The following CSNK1A1 variants were observed in gnomAD, a reference collection of about 807,000 sequenced individuals.
The protein encoded by CSNK1A1 is casein kinase I isoform alpha.
Under a neutral mutation model 46.1 loss-of-function variants are expected in CSNK1A1, and 7 were observed. The ratio of observed to expected loss-of-function variants is 0.15; its 90% confidence interval spans 0.09 to 0.29. The LOEUF is 0.29. Ranked by LOEUF, CSNK1A1 falls within the 10% of genes least tolerant of loss-of-function variation. The pLI is 1.00. For synonymous variants in CSNK1A1, 137 were observed against 141.5 expected, an observed-to-expected ratio of 0.97 and a Z score of 0.23; for missense variants, 96 against 417.1, an observed-to-expected ratio of 0.23 and a Z score of 6.71.
Position 149,517,943 on chromosome 5 carries a change from G to T in CSNK1A1, c.456+2347C>A. ...TGCTTACATTGCAACAATGGCCGGCGCAGACAGGCAACACCGAGGCATTAG... is the reference window on the plus strand; with the variant it reads ...TGCTTACATTGCAACAATGGCCGGCTCAGACAGGCAACACCGAGGCATTAG... On this transcript the variant is annotated intron_variant, in intron 4 of 9. Coordinates refer to ENST00000377843, the MANE Select transcript of CSNK1A1 (RefSeq NM_001892.6). This position sits in a 1 kb window ranked among gnomAD's most constrained non-coding sequence, Gnocchi z 4.4. 1.0e-6 allele frequency: 1 copy of T among 987,584 alleles called. No homozygotes were observed. The highest frequency in any genetic ancestry group is 1.6e-6 in the Non-Finnish European group (1 of 632,810). The allele number at this position is 987,584 out of a possible 1,614,324, so 61.2% of individuals were successfully genotyped here.
At chr5:149,503,527 T>C (rs1018504184) in intron 9 of CSNK1A1, 18 of 985,074 alleles carry the variant, frequency 1.8e-5, no homozygotes, top group Non-Finnish European at 1.9e-5. Context: ...TCCATGTTTA[T>C]GTGATAATTT....
At position 149,494,043 on chromosome 5, in the gene CSNK1A1, A is replaced by G. The variant is rs562033171; in HGVS notation, c.*2810T>C. ...CCATGACTCATTCTAGTCAAAAGCT[A>G]TAAGAACATATTCCTTAATAGTTCA... On this transcript the variant is annotated 3_prime_UTR_variant, in exon 10 of 10. Transcript: ENST00000377843. The G allele has an allele frequency of 2.2e-4, 34 of 152,338 alleles. No individual in the cohort carries two copies. The South Asian group carries it at 4.3e-3, about 19-fold the overall frequency. 9.4% of individuals were successfully genotyped at this position (152,338 alleles called of 1,614,324 possible).
At chr5:149,510,108 A>T (rs1761169637) in intron 6 of CSNK1A1, among the ~76,000 whole-genome samples, 155 bp from the exon 7 acceptor site, 3 of 152,236 alleles carry the variant, frequency 2.0e-5, no homozygotes, top group Non-Finnish European at 2.9e-5. Context: ...ATCTAAAAAA[A>T]ATTTTTCCCA....
At chr5:149,532,395 A>C (rs894753477) in intron 2 of CSNK1A1, among the ~76,000 whole-genome samples, 1 of 151,976 alleles carries the variant, frequency 6.6e-6, no homozygotes, top group Non-Finnish European at 1.5e-5. Context: ...AAAAAAAAAA[A>C]AAATCTGCGA....
chr5:149,497,456 T>C (rs1363841817), intron 9 of CSNK1A1: 2 of 986,046 alleles, frequency 2.0e-6, no homozygotes, highest in Non-Finnish European at 2.4e-6. Context: ...AAGCAAGTGA[T>C]GCTTTTTTGG....
intron 9 of CSNK1A1, chr5:149,501,107 C>T (rs1175646468): frequency 2.0e-6 from 2 of 985,314 alleles, no homozygotes; most frequent in African/African-American, 3.5e-5. Flanking sequence ...GGTCTTCTAA[C>T]AGTTGTGCTA....
intron 9 of CSNK1A1, chr5:149,499,310 AG>A: frequency 5.6e-6 from 3 of 540,320 alleles, no homozygotes; most frequent in Non-Finnish European, 6.8e-6. Flanking sequence ...AAAAAAGGGG[AG>A]GGGGAGGGGG....
At chr5:149,502,565 G>A (rs1423693604) in intron 9 of CSNK1A1, 4 of 467,076 alleles carry the variant, frequency 8.6e-6, no homozygotes, top group Non-Finnish European at 1.1e-5. Context: ...GCTGGGACAG[G>A]GTCTTACTAT....
intron 8 of CSNK1A1, among the ~76,000 whole-genome samples, chr5:149,506,449 C>T (rs896389677): frequency 6.6e-6 from 1 of 152,010 alleles, no homozygotes; most frequent in African/African-American, 2.4e-5. Flanking sequence ...GTCGGGCAGG[C>T]TGGTCTCTAA....
chr5:149,519,496 T>C (rs1408025108), intron 4 of CSNK1A1, among the ~76,000 whole-genome samples: 1 of 152,064 alleles, frequency 6.6e-6, no homozygotes, highest in African/African-American at 2.4e-5. Flanking sequence ...ATAGTATCGA[T>C]AAAGAAAGCA....
Position 149,550,498 on chromosome 5 carries a change from A to C in CSNK1A1, c.124-317T>G, listed in dbSNP as rs1408468223. The stretch of plus-strand genomic sequence containing the variant: ...CTGTTCTAATTGGAACAAGAGGCCC[A>C]GTAGAATTAAGAATTAAAAAAAAAA... On this transcript the variant is annotated intron_variant, in intron 1 of 9. Coordinates refer to ENST00000377843, the MANE Select transcript of CSNK1A1 (RefSeq NM_001892.6). This position sits in a 1 kb window ranked among gnomAD's most constrained non-coding sequence, Gnocchi z 4.3. Among the ~76,000 whole-genome samples, 1 of 124,224 alleles carries C rather than the reference A, an allele frequency of 8.0e-6. No individual in the cohort carries two copies. The highest frequency in any genetic ancestry group is 2.8e-4 in the East Asian group (1 of 3,510). 81.5% of individuals were successfully genotyped at this position (124,224 alleles called of 152,430 possible). A position where few individuals can be genotyped will look rare whatever the true frequency, so the allele number is the denominator to read the frequency against.
chr5:149,506,116 G>A (rs932889056), intron 8 of CSNK1A1, among the ~76,000 whole-genome samples: 2 of 151,878 alleles, frequency 1.3e-5, no homozygotes, highest in Non-Finnish European at 2.9e-5. Flanking sequence ...TAGCAGAGAC[G>A]GGGTTTCACC....
rs1160379269 is a variant in CSNK1A1, at chr5:149,542,592, TTATATATATATATATA to T, written c.230+7467_230+7482del. Among the ~76,000 whole-genome samples the T allele has an allele frequency of 8.5e-3, 228 of 26,688 alleles. 6 individuals are homozygous for T. Among genetic ancestry groups the T allele is most frequent in the Middle Eastern group, 0.026 (1 of 38 alleles). 17.5% of individuals were successfully genotyped at this position (26,688 alleles called of 152,430 possible). ...ATTTACTCCGAAATGAGATACAAAT[TTATATATATATATATA>T]TATATATATATATATATATATATAT... is the stretch of plus-strand genomic sequence containing the variant. On this transcript the variant is annotated intron_variant, in intron 2 of 9. Transcript: ENST00000377843.
Position 149,550,058 on chromosome 5 carries a change from A to G in CSNK1A1, c.230+17T>C, listed in dbSNP as rs1416652447. On this transcript the variant is annotated intron_variant, in intron 2 of 9. Coordinates refer to ENST00000377843, the MANE Select transcript of CSNK1A1 (RefSeq NM_001892.6). This position sits in a 1 kb window ranked among gnomAD's most constrained non-coding sequence, Gnocchi z 4.3. ...GTGCTTCCCTCAGCGGATCGCCTATATGCACCGGGTTCTTACCGTATGTGG... is the reference window on the plus strand; with the variant it reads ...GTGCTTCCCTCAGCGGATCGCCTATGTGCACCGGGTTCTTACCGTATGTGG... The G allele has an allele frequency of 6.2e-7, 1 of 1,610,910 alleles. No homozygotes were observed. The highest frequency in any genetic ancestry group is 1.3e-5 in the African/African-American group (1 of 74,930).
At chr5:149,545,299 A>G (rs1019424994) in intron 2 of CSNK1A1, 6 of 302,018 alleles carry the variant, frequency 2.0e-5, no homozygotes, top group Non-Finnish European at 3.7e-5. Context: ...TACTAATAGC[A>G]CAGGAGGACC....
chr5:149,504,130 G>C (rs567536846), intron 9 of CSNK1A1: 1 of 985,430 alleles, frequency 1.0e-6, no homozygotes, highest in African/African-American at 1.7e-5. Flanking sequence ...CTGAGATGCA[G>C]AGGCAGAGCA....
In CSNK1A1 at chr5:149,517,966, T is replaced by C. The variant is rs1023339133; in HGVS notation, c.456+2324A>G. ...GCGCAGACAGGCAACACCGAGGCAT[T>C]AGAGAAAGAACAGGGTAGCCAAATG... On this transcript the variant is annotated intron_variant, in intron 4 of 9. Transcript: ENST00000377843. This position sits in a 1 kb window ranked among gnomAD's most constrained non-coding sequence, Gnocchi z 4.4. 2.5e-6 allele frequency: 2 copies of C among 796,938 alleles called. No individual in the cohort carries two copies. The highest frequency in any genetic ancestry group is 2.2e-4 in the Middle Eastern group (1 of 4,492). The allele number at this position is 796,938 out of a possible 1,614,324, so 49.4% of individuals were successfully genotyped here. A position where few individuals can be genotyped will look rare whatever the true frequency, so the allele number is the denominator to read the frequency against.
chr5:149,530,858 C>G (rs967098022), intron 2 of CSNK1A1, among the ~76,000 whole-genome samples: 2 of 149,674 alleles, frequency 1.3e-5, no homozygotes, highest in Non-Finnish European at 3.0e-5. Flanking sequence ...CCCACCTACT[C>G]AGGAGGCTGA....
At chr5:149,524,323 C>T (rs1349897134) in intron 3 of CSNK1A1, among the ~76,000 whole-genome samples, 1 of 152,072 alleles carries the variant, frequency 6.6e-6, no homozygotes, top group Non-Finnish European at 1.5e-5. Flanking sequence ...CATTTTCCTG[C>T]CCTTAAAGGT....
Sources: allele counts gnomAD v4.1 joint callset (sites outside exome capture counted in the v4.1 genomes callset), GRCh38; gene constraint gnomAD v4.1.1; non-coding constraint Gnocchi (gnomAD v3.1); transcripts MANE v1.5; gene names NCBI Gene and HGNC (gene_info 2026-07-23, HGNC 2026-07-21).